Variants in MAP2 observed in about 807,000 individuals in gnomAD.
MAP2 encodes microtubule associated protein 2, also known as microtubule-associated protein 2.
Under a neutral mutation model 137.6 loss-of-function variants are expected in MAP2, and 14 were observed. The observed-to-expected ratio is 0.10, with a 90% CI of 0.07 to 0.16. The LOEUF (loss-of-function observed/expected upper bound fraction) is 0.16. Among genes scored for constraint, MAP2 ranks in the 10% least tolerant of loss-of-function variants. The pLI is 1.00. For synonymous variants in MAP2, 786 were observed against 782.3 expected (o/e 1.00, Z -0.08); for missense variants, 2,088 against 2,191.5 (o/e 0.95, Z 0.94).
intron 1 of MAP2, among the ~76,000 whole-genome samples, chr2:209,435,949 A>ATATATACAGTATATATTATATATAG (rs1559159125): frequency 1.5e-5 from 1 of 64,612 alleles, no homozygotes; most frequent in Non-Finnish European, 4.2e-5. Context: ...AATATATACT[A>ATATATACAGTATATATTATATATAG]TATATACAGT....
rs41265969 is a variant in MAP2, at chr2:209,693,410, G to T, written c.1240G>T (p.Ala414Ser). ...GAAAGTTTTAGAGGAAGAAAAGGAG[G>T]CCATAAATCAAGAGACTGTGCAGCA... ...MGKVLEEEKE[A>S]INQETVQQRD... is the part of the protein sequence containing the mutation. Residue 414 changes from alanine to serine, a missense_variant, in exon 8 of 16, where the codon GCC becomes TCC. By Grantham distance (99) the Ala-to-Ser change is moderately conservative. This residue lies in a region of MAP2 where 859 missense variants were observed against 794.5 expected (regional missense o/e 1.08). Coordinates refer to ENST00000682079, the MANE Select transcript of MAP2 (RefSeq NM_001375505.1). The T allele has an allele frequency of 8.4e-3, 13,483 of 1,613,134 alleles. 80 individuals are homozygous for T. Among genetic ancestry groups the T allele is most frequent in the Non-Finnish European group, 9.3e-3 (10,998 of 1,179,800 alleles).
intron 3 of MAP2, among the ~76,000 whole-genome samples, chr2:209,600,381 T>C (rs2153458626): frequency 6.6e-6 from 1 of 152,320 alleles, no homozygotes; most frequent in South Asian, 2.1e-4. Context: ...TTGAGGTTTA[T>C]CTGAAATGCA....
chr2:209,619,423 A>G (rs1335650252), intron 3 of MAP2, among the ~76,000 whole-genome samples: 2 of 152,108 alleles, frequency 1.3e-5, no homozygotes, highest in Non-Finnish European at 2.9e-5. Context: ...AATTGAATAA[A>G]TAATAAAAGT....
chr2:209,552,718 G>T (rs538338151), intron 2 of MAP2, among the ~76,000 whole-genome samples: 3 of 151,952 alleles, frequency 2.0e-5, no homozygotes, highest in Non-Finnish European at 4.4e-5. Flanking sequence ...AAAATTAGCC[G>T]GGCGTTGTGG....
At chr2:209,498,176 G>A (rs1484515018) in intron 1 of MAP2, among the ~76,000 whole-genome samples, 1 of 152,202 alleles carries the variant, frequency 6.6e-6, no homozygotes, top group Non-Finnish European at 1.5e-5. Flanking sequence ...AAGGAAAGGG[G>A]CTAAAGGCCC....
chr2:209,627,548 TATA>T (rs1476295486), intron 4 of MAP2, among the ~76,000 whole-genome samples: 2 of 152,310 alleles, frequency 1.3e-5, no homozygotes, highest in Admixed American at 6.5e-5. Context: ...CTCAAGATCA[TATA>T]ATGATTGCAG....
intron 1 of MAP2, among the ~76,000 whole-genome samples, chr2:209,438,610 G>A (rs1696959666): frequency 6.6e-6 from 1 of 151,484 alleles, no homozygotes; most frequent in South Asian, 2.1e-4. Flanking sequence ...ATATGTTTAT[G>A]GAGAATCTCC....
intron 15 of MAP2, 67 bp from the exon 16 acceptor site, chr2:209,730,115 A>T: frequency 7.5e-7 from 1 of 1,334,172 alleles, no homozygotes. Context: ...GCCCTGGGAG[A>T]TGGAGAAAGA....
intron 10 of MAP2, among the ~76,000 whole-genome samples, chr2:209,699,758 G>C (rs2061273881): frequency 6.6e-6 from 1 of 152,150 alleles, no homozygotes; most frequent in Admixed American, 6.6e-5. Context: ...GAAATGAAGG[G>C]ATACAAAGGG....
At chr2:209,529,518 C>T (rs1460343506) in intron 2 of MAP2, among the ~76,000 whole-genome samples, 1 of 152,082 alleles carries the variant, frequency 6.6e-6, no homozygotes, top group Non-Finnish European at 1.5e-5. Flanking sequence ...ATTAAAGCAA[C>T]TCTTCAAGAA....
intron 1 of MAP2, among the ~76,000 whole-genome samples, chr2:209,495,184 G>C (rs2059600544): frequency 6.6e-6 from 1 of 152,252 alleles, no homozygotes; most frequent in Non-Finnish European, 1.5e-5. Context: ...AGCAGCCCTA[G>C]TCAGGGGCTT....
intron 3 of MAP2, among the ~76,000 whole-genome samples, chr2:209,612,236 T>G (rs1182641372): frequency 6.6e-6 from 1 of 152,190 alleles, no homozygotes; most frequent in Non-Finnish European, 1.5e-5. Flanking sequence ...GCCAATATAA[T>G]GTGGTCTATT....
intron 7 of MAP2, chr2:209,684,581 T>C (rs958676126): frequency 6.6e-6 from 1 of 152,246 alleles, no homozygotes; most frequent in Non-Finnish European, 1.5e-5. Context: ...TAGCCCAGTG[T>C]AAATTTTCAA....
chr2:209,662,724 TG>T (rs1184160483), intron 5 of MAP2, among the ~76,000 whole-genome samples: 1 of 152,038 alleles, frequency 6.6e-6, no homozygotes, highest in African/African-American at 2.4e-5. Flanking sequence ...TAATAAGTAA[TG>T]GGAGTGAGTC....
chr2:209,495,540 A>G (rs894972834), intron 1 of MAP2, among the ~76,000 whole-genome samples: 2 of 152,222 alleles, frequency 1.3e-5, no homozygotes, highest in African/African-American at 4.8e-5. Context: ...ATACCCAGGC[A>G]AAGAGGGTCT....
intron 1 of MAP2, among the ~76,000 whole-genome samples, chr2:209,487,658 T>C (rs2058550978): frequency 6.6e-6 from 1 of 152,224 alleles, no homozygotes; most frequent in African/African-American, 2.4e-5. Context: ...AAACTCAGAC[T>C]TTGAAGACAA....
chr2:209,474,466 A>G (rs58746250), intron 1 of MAP2, among the ~76,000 whole-genome samples: 3,481 of 152,224 alleles, frequency 0.023, 126 homozygotes, highest in African/African-American at 0.079. Flanking sequence ...TGCACAGTCT[A>G]TAAAAGCAGA....
chr2:209,558,865 C>G (rs113920151), intron 2 of MAP2, among the ~76,000 whole-genome samples: 2,980 of 151,868 alleles, frequency 0.02, 95 homozygotes, highest in African/African-American at 0.068. Flanking sequence ...GCTTACTGAT[C>G]ATTAGGTTCA....
At chr2:209,509,843 A>C (rs976557443) in intron 2 of MAP2, among the ~76,000 whole-genome samples, 2 of 151,940 alleles carry the variant, frequency 1.3e-5, no homozygotes, top group South Asian at 4.1e-4. Context: ...TATTTTATCA[A>C]TTCTGTGATG....
Sources: allele counts gnomAD v4.1 joint callset (sites outside exome capture counted in the v4.1 genomes callset), GRCh38; gene constraint gnomAD v4.1.1; regional missense constraint gnomAD v4.1.1; transcripts MANE v1.5; gene names NCBI Gene and HGNC (gene_info 2026-07-23, HGNC 2026-07-21).